SORCS1: variants seen among roughly 807,000 people sequenced by gnomAD.
The protein encoded by SORCS1 is sortilin related VPS10 domain containing receptor 1, also known as VPS10 domain-containing receptor SorCS1.
Under a neutral mutation model 146.1 loss-of-function variants are expected in SORCS1, and 60 were observed. The observed-to-expected ratio is 0.41, with a 90% CI of 0.33 to 0.51. SORCS1 has a LOEUF of 0.51. SORCS1 is among the 20% of genes least tolerant of loss of function. SORCS1 has a pLI of 0.21. For synonymous variants in SORCS1, 637 were observed against 584.0 expected (o/e 1.09, Z -1.31); for missense variants, 1,352 against 1,487.6 (o/e 0.91, Z 1.50).
In SORCS1 at chr10:107,004,446, G is replaced by C. The variant is rs553331719; in HGVS notation, c.559-47866C>G. ...GGTGGAGAGAAAAAGAAGAGCAAAA[G>C]GATGTCTTCCATGGGAGCAGGCAAG... On this transcript the variant is annotated intron_variant, in intron 1 of 25. Coordinates refer to ENST00000263054, the MANE Select transcript of SORCS1 (RefSeq NM_052918.5). 2.6e-5 allele frequency among the ~76,000 whole-genome samples: 4 copies of C among 152,230 alleles called. No homozygotes were observed. In the South Asian group the frequency reaches 8.3e-4, roughly 32 times the overall value.
intron 1 of SORCS1, among the ~76,000 whole-genome samples, chr10:106,975,864 C>G (rs911214032): frequency 2.6e-5 from 4 of 152,156 alleles, no homozygotes. Flanking sequence ...AGGCCATCTC[C>G]TGGCTGGGCA....
intron 1 of SORCS1, among the ~76,000 whole-genome samples, chr10:107,054,505 C>T (rs1960413296): frequency 6.6e-6 from 1 of 152,056 alleles, no homozygotes; most frequent in Non-Finnish European, 1.5e-5. Flanking sequence ...AAGAGCTGGA[C>T]ACGTTTGGTG....
intron 2 of SORCS1, among the ~76,000 whole-genome samples, chr10:106,829,929 G>A (rs867044051): frequency 6.6e-6 from 1 of 152,162 alleles, no homozygotes; most frequent in Non-Finnish European, 1.5e-5. Flanking sequence ...AAAGAATGTG[G>A]TTAATTTAAA....
chr10:107,121,346 C>A (rs1186294959), intron 1 of SORCS1, among the ~76,000 whole-genome samples: 1 of 152,104 alleles, frequency 6.6e-6, no homozygotes, highest in Non-Finnish European at 1.5e-5. Flanking sequence ...TGGACCTAGG[C>A]AAAGCAGGAG....
At chr10:107,112,955 G>A (rs1199612805) in intron 1 of SORCS1, among the ~76,000 whole-genome samples, 1 of 152,176 alleles carries the variant, frequency 6.6e-6, no homozygotes. Flanking sequence ...ATCATCCAGA[G>A]AGAAAATTAA....
At chr10:106,790,360 C>T (rs753677262) in intron 3 of SORCS1, among the ~76,000 whole-genome samples, 16 of 152,236 alleles carry the variant, frequency 1.1e-4, no homozygotes, top group African/African-American at 2.6e-4. Context: ...GGCTTTAATC[C>T]GGTGCTGCAG....
intron 2 of SORCS1, among the ~76,000 whole-genome samples, chr10:106,873,223 G>A (rs1188346111): frequency 1.3e-5 from 2 of 151,418 alleles, no homozygotes. Flanking sequence ...TGAGGCAGGA[G>A]AATTGTTTGA....
intron 2 of SORCS1, among the ~76,000 whole-genome samples, chr10:106,841,040 G>C (rs1467407632): frequency 6.6e-6 from 1 of 151,236 alleles, no homozygotes; most frequent in African/African-American, 2.4e-5. Context: ...CATTTTAATA[G>C]AGACGGGGTT....
chr10:106,908,074 G>A (rs1209110861), intron 2 of SORCS1, among the ~76,000 whole-genome samples: 4 of 152,070 alleles, frequency 2.6e-5, no homozygotes, highest in African/African-American at 7.2e-5. Context: ...TTTCTGGGTA[G>A]AGATCTCTCT....
At chr10:106,699,095 G>T in intron 9 of SORCS1, 119 bp downstream of exon 9, 1 of 834,234 alleles carries the variant, frequency 1.2e-6, no homozygotes, top group Non-Finnish European at 1.8e-6. Flanking sequence ...CATCTCCCAA[G>T]AGAAATGAGG....
intron 17 of SORCS1, among the ~76,000 whole-genome samples, chr10:106,658,265 T>G (rs1022628729): frequency 6.6e-6 from 1 of 151,958 alleles, no homozygotes; most frequent in Admixed American, 6.6e-5. Flanking sequence ...CCTGTGCTGT[T>G]CATTCTGCCC....
At position 106,652,459 on chromosome 10, in the gene SORCS1, G is replaced by A. The variant is rs1849940772; in HGVS notation, c.2398C>T (p.Leu800=). The part of the protein sequence containing the change: ...QKCPGKAPRG[L]RIVTADGKLT... ...TTTCCATCAGCCGTGACTATCCGCAGCCCCCGCGGGGCTTTCCCTGGGCAC... is the reference window on the plus strand; with the variant it reads ...TTTCCATCAGCCGTGACTATCCGCAACCCCCGCGGGGCTTTCCCTGGGCAC... The change falls in exon 18 of 26, where the codon CTG becomes TTG. Residue 800 remains leucine (L), a synonymous_variant. Coordinates refer to ENST00000263054, the MANE Select transcript of SORCS1 (RefSeq NM_052918.5). 1 of 1,614,074 alleles carries A rather than the reference G, an allele frequency of 6.2e-7. No individual in the cohort carries two copies. The highest frequency in any genetic ancestry group is 8.5e-7 in the Non-Finnish European group (1 of 1,179,970).
chr10:106,815,164 G>A (rs970449809), intron 3 of SORCS1, among the ~76,000 whole-genome samples: 1 of 151,794 alleles, frequency 6.6e-6, no homozygotes, highest in African/African-American at 2.4e-5. Flanking sequence ...TCTCCATGTT[G>A]GTCAGGCTGG....
At chr10:106,735,019 A>G (rs4592362) in intron 5 of SORCS1, among the ~76,000 whole-genome samples, 66,568 of 151,688 alleles carry the variant, frequency 0.44, 14,705 homozygotes, top group African/African-American at 0.48. Flanking sequence ...GGTGGCGGGC[A>G]GCTGTAATCC....
chr10:106,941,623 G>A (rs1209317402), intron 2 of SORCS1, among the ~76,000 whole-genome samples: 1 of 152,218 alleles, frequency 6.6e-6, no homozygotes, highest in Non-Finnish European at 1.5e-5. Context: ...CAATACCAAG[G>A]AATGTGGCTC....
intron 1 of SORCS1, among the ~76,000 whole-genome samples, chr10:107,039,998 C>T (rs1959086455): frequency 6.6e-6 from 1 of 152,066 alleles, no homozygotes; most frequent in South Asian, 2.1e-4. Context: ...GAGTTGACGC[C>T]GCCATGAATC....
chr10:107,177,979 C>A, the SORCS1 span, among the ~76,000 whole-genome samples: 2 of 151,884 alleles, frequency 1.3e-5, no homozygotes, highest in South Asian at 4.2e-4. Flanking sequence ...GGAGGGGGAA[C>A]AACACAGAGT....
chr10:106,732,635 C>T (rs1291524463), intron 5 of SORCS1, among the ~76,000 whole-genome samples: 3 of 152,198 alleles, frequency 2.0e-5, no homozygotes, highest in Non-Finnish European at 2.9e-5. Flanking sequence ...TTAAAACTAG[C>T]ATGCAAGCCT....
intron 2 of SORCS1, among the ~76,000 whole-genome samples, chr10:106,908,980 T>C (rs1230056968): frequency 6.6e-6 from 1 of 152,204 alleles, no homozygotes; most frequent in Non-Finnish European, 1.5e-5. Context: ...CTGTCTTCTC[T>C]GCTCCTTCAG....
Sources: allele counts gnomAD v4.1 joint callset (sites outside exome capture counted in the v4.1 genomes callset), GRCh38; gene constraint gnomAD v4.1.1; transcripts MANE v1.5; gene names NCBI Gene and HGNC (gene_info 2026-07-23, HGNC 2026-07-21).